The following RIMS2 variants were observed in gnomAD, a reference collection of about 807,000 sequenced individuals.
RIMS2 encodes the protein regulating synaptic membrane exocytosis protein 2.
Under a neutral mutation model 174.4 loss-of-function variants are expected in RIMS2, and 59 were observed. The ratio of observed to expected loss-of-function variants is 0.34; its 90% CI spans 0.27 to 0.42. The LOEUF (loss-of-function observed/expected upper bound fraction) is 0.42. Among genes scored for constraint, RIMS2 ranks in the 10% least tolerant of loss-of-function variants. The probability of loss-of-function intolerance (pLI) is 1.00; values close to 1 mark genes in which losing one functional copy is unlikely to be tolerated. For synonymous variants in RIMS2, 606 were observed against 572.5 expected (o/e 1.06, Z -0.84); for missense variants, 1,620 against 1,666.3 (o/e 0.97, Z 0.48).
chr8:104,061,126 G>C (rs536575700), intron 19 of RIMS2, among the ~76,000 whole-genome samples: 1 of 152,268 alleles, frequency 6.6e-6, no homozygotes, highest in African/African-American at 2.4e-5. Context: ...GGATATCCTT[G>C]TTAACTTTCT....
rs183338349 is a variant in RIMS2 at position 104,122,695 on chromosome 8, T to C, written c.3334+108080T>C. ...CTATTTAGATTCATACTTAATCTGG[T>C]GAAAGGAAATGAGAACAATCTATGT... On this transcript the variant is annotated intron_variant, in intron 19 of 23. Coordinates refer to ENST00000504942, the Ensembl canonical transcript of RIMS2. Among the ~76,000 whole-genome samples, 1,137 of 152,262 alleles carry C rather than the reference T, an allele frequency of 7.5e-3. 7 individuals are homozygous for C. Among genetic ancestry groups the C allele is most frequent in the South Asian group, 9.3e-3 (45 of 4,826 alleles).
chr8:103,989,336 C>G lies in RIMS2; in HGVS notation c.2959C>G (p.Arg987Gly), dbSNP rs760877374. 3 of 1,612,906 alleles carry G rather than the reference C, an allele frequency of 1.9e-6. No individual in the cohort carries two copies. In the Admixed American group the frequency reaches 5.0e-5, roughly 27 times the overall value. The stretch of plus-strand genomic sequence containing the variant: ...TGTGGAACAGGGGCTTCGAGGGACC[C>G]GCACTATGACCGGACATTATAATAC... The change falls in exon 17 of 24, where the codon CGC (arginine) becomes GGC (glycine). Residue 987 changes from arginine (R) to glycine (G), a missense_variant. Physicochemically the swap from Arg to Gly is moderately radical, Grantham distance 125. Transcript: ENST00000504942.
chr8:103,591,519 C>G (rs2094257001), intron 1 of RIMS2, among the ~76,000 whole-genome samples: 1 of 151,056 alleles, frequency 6.6e-6, no homozygotes, highest in Non-Finnish European at 1.5e-5. Flanking sequence ...CTGTTTCCTT[C>G]TAAAATCTTT....
intron 1 of RIMS2, among the ~76,000 whole-genome samples, chr8:103,640,214 CAT>C (rs2096197519): frequency 1.3e-5 from 2 of 151,772 alleles, no homozygotes; most frequent in South Asian, 4.1e-4. Flanking sequence ...TTTTTAATGT[CAT>C]GTGATCAGAA....
intron 19 of RIMS2, among the ~76,000 whole-genome samples, chr8:104,097,524 A>G (rs1005675228): frequency 1.3e-5 from 2 of 152,012 alleles, no homozygotes; most frequent in African/African-American, 4.8e-5. Context: ...ATGACAAACT[A>G]TTAATACAGT....
At chr8:104,213,888 A>AAAAGAAGAAGAAGAAG (rs778544122) in intron 19 of RIMS2, among the ~76,000 whole-genome samples, 15 of 148,108 alleles carry the variant, frequency 1.0e-4, no homozygotes, top group African/African-American at 3.3e-4. Flanking sequence ...AAAAAAAAAA[A>AAAAGAAGAAGAAGAAG]AAGAAGAAGA....
At chr8:103,501,207 C>A (rs906900676) in intron 1 of RIMS2, 145 bp downstream of exon 1, 2 of 482,914 alleles carry the variant, frequency 4.1e-6, no homozygotes, top group Non-Finnish European at 3.4e-6. Flanking sequence ...CAGCGCCGGC[C>A]GCCCGGGCTG....
intron 3 of RIMS2, among the ~76,000 whole-genome samples, chr8:103,834,415 C>A (rs1036934381): frequency 6.2e-5 from 9 of 146,284 alleles, no homozygotes; most frequent in African/African-American, 2.3e-4. Context: ...TTGCTCACTG[C>A]AGCTTCAAAC....
intron 19 of RIMS2, among the ~76,000 whole-genome samples, chr8:104,216,827 A>T (rs2099132054): frequency 6.6e-6 from 1 of 152,222 alleles, no homozygotes; most frequent in African/African-American, 2.4e-5. Context: ...CCCAGTGACT[A>T]GAATAGTGCC....
At chr8:103,607,602 A>G (rs2095172528) in intron 1 of RIMS2, among the ~76,000 whole-genome samples, 1 of 145,246 alleles carries the variant, frequency 6.9e-6, no homozygotes, top group South Asian at 2.1e-4. Flanking sequence ...GTGTTTTCCA[A>G]CTTGGTTCCA....
rs1566152383 is a variant in RIMS2 at position 104,068,484 on chromosome 8, AT to A, written c.3334+53873del. ...ACTCAGAAATAAGAACTGAACATTA[AT>A]TTTATGGGTTTTTTTCTACTCGATA... On this transcript the variant is annotated intron_variant, in intron 19 of 23. Coordinates refer to ENST00000504942, the Ensembl canonical transcript of RIMS2. 5.8e-6 allele frequency: 6 copies of A among 1,037,886 alleles called. No homozygotes were observed. In the Admixed American group the frequency reaches 8.3e-5, roughly 14 times the overall value. The allele number at this position is 1,037,886 out of a possible 1,614,324, so 64.3% of individuals were successfully genotyped here. A position where few individuals can be genotyped will look rare whatever the true frequency, so the allele number is the denominator to read the frequency against.
rs1457979886 is a variant in RIMS2, at chr8:103,860,791, T to G, written c.699-24507T>G. 3.3e-5 allele frequency among the ~76,000 whole-genome samples: 5 copies of G among 152,062 alleles called. No homozygotes were observed. The South Asian group carries it at 8.3e-4, about 25-fold the overall frequency. ...AGCAGAAATATTGTAAAATAATGTTTTTTTTTTCCCTACAAAATAATTTTA... is the reference window on the plus strand; with the variant it reads ...AGCAGAAATATTGTAAAATAATGTTGTTTTTTTCCCTACAAAATAATTTTA... On this transcript the variant is annotated intron_variant, in intron 3 of 23. Transcript: ENST00000504942.
At chr8:103,569,072 G>A in intron 1 of RIMS2, 1 of 373,472 alleles carries the variant, frequency 2.7e-6, no homozygotes, top group Non-Finnish European at 4.8e-6. Context: ...TGTTTTTGTT[G>A]CTTTGTGCTT....
downstream of RIMS2, chr8:104,254,014 A>T (rs2099364487): frequency 6.6e-6 from 1 of 152,206 alleles, no homozygotes; most frequent in African/African-American, 2.4e-5. Flanking sequence ...GCAACAATTG[A>T]TTTAATAGAC....
chr8:103,779,185 C>T (rs1236647315), intron 3 of RIMS2, among the ~76,000 whole-genome samples: 1 of 152,074 alleles, frequency 6.6e-6, no homozygotes, highest in East Asian at 1.9e-4. Flanking sequence ...TATTTTCTGC[C>T]ATTATATGGG....
intron 1 of RIMS2, among the ~76,000 whole-genome samples, chr8:103,678,473 A>G (rs2096841659): frequency 6.6e-6 from 1 of 152,152 alleles, no homozygotes; most frequent in African/African-American, 2.4e-5. Flanking sequence ...AATATTTAAC[A>G]GAGGGATTTG....
At chr8:103,971,844 T>G (rs1169779691) in intron 15 of RIMS2, among the ~76,000 whole-genome samples, 1 of 152,222 alleles carries the variant, frequency 6.6e-6, no homozygotes. Context: ...GTGCTGGGAT[T>G]AGAGGTATGA....
chr8:103,584,007 A>G (rs28864535), intron 1 of RIMS2, among the ~76,000 whole-genome samples: 27,715 of 152,078 alleles, frequency 0.18, 2,777 homozygotes, highest in African/African-American at 0.26. Flanking sequence ...GCATATTTAA[A>G]CAGATTTAAA....
At chr8:104,057,829 T>C (rs1245046742) in intron 19 of RIMS2, among the ~76,000 whole-genome samples, 2 of 150,962 alleles carry the variant, frequency 1.3e-5, no homozygotes, top group African/African-American at 4.9e-5. Flanking sequence ...TTTGGTTTTT[T>C]GTCCTTGCGA....
Sources: gnomAD v4.1 joint callset for allele counts (sites outside exome capture counted in the v4.1 genomes callset) on GRCh38, gnomAD v4.1.1 for gene constraint, MANE v1.5 for transcripts, NCBI Gene and HGNC (gene_info 2026-07-23, HGNC 2026-07-21) for gene names.